DCHS2: variants seen among roughly 807,000 people sequenced by gnomAD.
The protein encoded by DCHS2 is protocadherin-23.
In DCHS2, 142 loss-of-function variants were observed where a neutral mutation model predicts 182.4. The ratio of observed to expected loss-of-function variants is 0.78; its 90% CI spans 0.68 to 0.89. The LOEUF (loss-of-function observed/expected upper bound fraction) is 0.89, where lower values mean the gene tolerates loss of function less well. DCHS2 is among the 40% of genes least tolerant of loss of function. The pLI, the probability that DCHS2 is intolerant of heterozygous loss-of-function variation, is 0.00. For synonymous variants in DCHS2, 1,740 were observed against 1,663.3 expected (o/e 1.05, Z -1.12); for missense variants, 4,319 against 4,198.6 (o/e 1.03, Z -0.79).
At chr4:154,432,250 A>G (rs1352639041) in intron 1 of DCHS2, among the ~76,000 whole-genome samples, 5 of 152,220 alleles carry the variant, frequency 3.3e-5, no homozygotes, top group African/African-American at 4.8e-5. Context: ...AACATGGATT[A>G]TATCTTATCT....
intron 1 of DCHS2, among the ~76,000 whole-genome samples, chr4:154,485,580 T>C (rs574417113): frequency 6.6e-6 from 1 of 152,368 alleles, no homozygotes; most frequent in African/African-American, 2.4e-5. Flanking sequence ...TTTTGCTTGT[T>C]GCTGTCCCCA....
chr4:154,384,425 C>T, intron 1 of DCHS2: 6 of 1,613,024 alleles, frequency 3.7e-6, no homozygotes, highest in Non-Finnish European at 5.1e-6. Context: ...CTATAGCACC[C>T]CAGAGCTCAG....
In DCHS2 at chr4:154,298,059, A is replaced by G; in HGVS notation, c.6255T>C (p.Ser2085=). ...FSFAETQSMF[S]IDKYTGEIQF... ...GAATTTCTCCTGTGTATTTATCAAT[A>G]GAAAACATTGACTGGGTCTCTGCAA... Residue 2085 remains serine, a synonymous_variant, in exon 13 of 20, where the codon TCT becomes TCC. Coordinates refer to ENST00000357232, the MANE Select transcript of DCHS2 (RefSeq NM_001358235.2). 1 of 1,614,150 alleles carries G rather than the reference A, an allele frequency of 6.2e-7. No individual in the cohort carries two copies. Among genetic ancestry groups the G allele is most frequent in the East Asian group, 2.2e-5 (1 of 44,856 alleles).
intron 1 of DCHS2, among the ~76,000 whole-genome samples, chr4:154,422,220 G>T (rs1237507040): frequency 1.3e-5 from 2 of 152,090 alleles, no homozygotes; most frequent in African/African-American, 2.4e-5. Flanking sequence ...CTCTGCCCAT[G>T]ATCTCAAGCC....
At chr4:154,447,246 T>G (rs1734339400) in intron 1 of DCHS2, among the ~76,000 whole-genome samples, 1 of 152,118 alleles carries the variant, frequency 6.6e-6, no homozygotes, top group Non-Finnish European at 1.5e-5. Context: ...GAGCTGAGAT[T>G]GTGCCACTGT....
In DCHS2 at chr4:154,234,350, A is replaced by T; in HGVS notation, c.*186T>A. 1.3e-6 allele frequency: 1 copy of T among 779,406 alleles called. No homozygotes were observed. 48.3% of individuals were successfully genotyped at this position (779,406 alleles called of 1,614,324 possible). On this transcript the variant is annotated 3_prime_UTR_variant, in exon 20 of 20. Transcript: ENST00000357232. The stretch of plus-strand genomic sequence containing the variant: ...AGCAACACATAAGGATTAAAAGAGG[A>T]AATAACTTTTCATTAAGGCTGGAAG...
chr4:154,242,605 G>A, intron 17 of DCHS2, 37 bp downstream of exon 17: 1 of 1,598,346 alleles, frequency 6.3e-7, no homozygotes, highest in East Asian at 2.3e-5. Context: ...TATTATACAA[G>A]TTAATCAAAA....
At chr4:154,252,740 C>G (rs1025258077) in intron 16 of DCHS2, among the ~76,000 whole-genome samples, 3 of 151,730 alleles carry the variant, frequency 2.0e-5, no homozygotes, top group Non-Finnish European at 4.4e-5. Flanking sequence ...TTAATGGACA[C>G]TTAGGTTGCT....
intron 2 of DCHS2, among the ~76,000 whole-genome samples, chr4:154,375,804 T>C (rs1362153676): frequency 6.6e-6 from 1 of 152,120 alleles, no homozygotes; most frequent in Non-Finnish European, 1.5e-5. Context: ...AGTATAAGAA[T>C]GTTAAAAGAA....
At chr4:154,359,204 T>C (rs969953416) in intron 3 of DCHS2, among the ~76,000 whole-genome samples, 1 of 152,028 alleles carries the variant, frequency 6.6e-6, no homozygotes, top group Non-Finnish European at 1.5e-5. Flanking sequence ...GATTTATACA[T>C]ACCAATTATC....
At chr4:154,251,407 A>ATGTC (rs10677099) in intron 16 of DCHS2, among the ~76,000 whole-genome samples, 132,552 of 151,966 alleles carry the variant, frequency 0.87, 59,146 homozygotes, top group East Asian at 1. Context: ...TTTATAAATC[A>ATGTC]TGTCTATTAC....
chr4:154,387,283 G>C (rs559795514), intron 1 of DCHS2, among the ~76,000 whole-genome samples: 22 of 152,202 alleles, frequency 1.4e-4, no homozygotes, highest in African/African-American at 4.3e-4. Flanking sequence ...TGGGGTTTAG[G>C]GGAATGGAAA....
At chr4:154,251,612 G>A (rs571942178) in intron 16 of DCHS2, among the ~76,000 whole-genome samples, 20 of 152,192 alleles carry the variant, frequency 1.3e-4, no homozygotes, top group South Asian at 1.2e-3. Flanking sequence ...TCCACCTTCC[G>A]GGTTCAAGCG....
At chr4:154,488,821 G>A (rs566641085) in intron 1 of DCHS2, among the ~76,000 whole-genome samples, 11 of 151,954 alleles carry the variant, frequency 7.2e-5, no homozygotes, top group Non-Finnish European at 1.6e-4. Context: ...GCAGTGAGCC[G>A]AGATTGAGCC....
chr4:154,268,305 T>A (rs1489373010), intron 14 of DCHS2, among the ~76,000 whole-genome samples: 1 of 150,816 alleles, frequency 6.6e-6, no homozygotes, highest in East Asian at 2.0e-4. Context: ...AATACTACAC[T>A]CGTGCTTTGG....
In DCHS2 at chr4:154,444,132, G is replaced by A. The variant is rs187264120; in HGVS notation, c.2052+45172C>T. Among the ~76,000 whole-genome samples, 305 of 152,070 alleles carry A rather than the reference G, an allele frequency of 2.0e-3. 3 individuals are homozygous for A. The highest frequency in any genetic ancestry group is 6.6e-3 in the East Asian group (34 of 5,166). On this transcript the variant is annotated intron_variant, in intron 1 of 19. Coordinates refer to ENST00000357232, the MANE Select transcript of DCHS2 (RefSeq NM_001358235.2). ...GGCCTCTTTCCTATTTACATTCAAC[G>A]CACTGGTGGTGGGGCCCAAACTAAT...
chr4:154,280,534 TG>T (rs1420123181), intron 13 of DCHS2, among the ~76,000 whole-genome samples: 1 of 152,104 alleles, frequency 6.6e-6, no homozygotes, highest in Non-Finnish European at 1.5e-5. Flanking sequence ...CATGACCAAG[TG>T]GGGTTTGTCC....
At chr4:154,392,702 A>G (rs1731762494) in intron 1 of DCHS2, among the ~76,000 whole-genome samples, 1 of 152,214 alleles carries the variant, frequency 6.6e-6, no homozygotes, top group South Asian at 2.1e-4. Context: ...CGTTTTGTAT[A>G]CCAGCTCCCA....
At chr4:154,463,692 T>TTTTTTTTCTCTCTCTCTCTC (rs1011716388) in intron 1 of DCHS2, among the ~76,000 whole-genome samples, 2 of 145,266 alleles carry the variant, frequency 1.4e-5, no homozygotes, top group African/African-American at 2.5e-5. Context: ...ATTCTCTCTT[T>TTTTTTTTCTCTCTCTCTCTC]TCTCTCTCTC....
Sources: gnomAD v4.1 joint callset for allele counts (sites outside exome capture counted in the v4.1 genomes callset) on GRCh38, gnomAD v4.1.1 for gene constraint, MANE v1.5 for transcripts, NCBI Gene and HGNC (gene_info 2026-07-23, HGNC 2026-07-21) for gene names.